Variants in LRRN2 observed in about 807,000 individuals in gnomAD.
LRRN2 encodes leucine-rich repeat neuronal protein 2.
LRRN2 carries 10 observed loss-of-function variants against 35.7 expected under a neutral mutation model. That is an observed-to-expected ratio of 0.28 (90% confidence interval 0.17 to 0.47). LRRN2 has a LOEUF of 0.47. Ranked by LOEUF, LRRN2 falls within the 20% of genes least tolerant of loss-of-function variation. The pLI is 0.99. For missense variants in LRRN2, 731 were observed against 940.3 expected, an observed-to-expected ratio of 0.78 and a Z score of 2.91; for synonymous variants, 391 against 409.6, an observed-to-expected ratio of 0.95 and a Z score of 0.55.
intron 1 of LRRN2, among the ~76,000 whole-genome samples, chr1:204,657,042 C>G (rs556097867): frequency 6.6e-6 from 1 of 152,106 alleles, no homozygotes; most frequent in Non-Finnish European, 1.5e-5. Context: ...TGGTGGCTCA[C>G]GTCTGTAATC....
chr1:204,663,892 CAGGGAACAATGG>C, intron 1 of LRRN2: 1 of 152,298 alleles, frequency 6.6e-6, no homozygotes, highest in Non-Finnish European at 1.5e-5. Context: ...AAACAGTGCA[CAGGGAACAATGG>C]AGGGCAAATG....
At position 204,649,165 on chromosome 1, in the gene LRRN2, T is replaced by A. The variant is rs1571660407; in HGVS notation, c.-226-28947A>T. Among the ~76,000 whole-genome samples, 7 of 152,302 alleles carry A rather than the reference T, an allele frequency of 4.6e-5. No homozygotes were observed. In the Middle Eastern group the frequency reaches 0.024, roughly 518 times the overall value. On this transcript the variant is annotated intron_variant, in intron 1 of 1. Transcript: ENST00000367177. ...AGTGGCGGCGACTCAAAGAGGTGAA[T>A]GAGCACAGGGCCAGTCTGCAGCCAG...
At chr1:204,652,083 T>C (rs1668238950) in intron 1 of LRRN2, among the ~76,000 whole-genome samples, 3 of 152,200 alleles carry the variant, frequency 2.0e-5, no homozygotes, top group Admixed American at 2.0e-4. Context: ...CTTTAATTAG[T>C]GAGACAATAG....
At chr1:204,647,171 AG>A (rs1253076351) in intron 1 of LRRN2, among the ~76,000 whole-genome samples, 2 of 137,692 alleles carry the variant, frequency 1.5e-5, no homozygotes, top group Non-Finnish European at 3.2e-5. Context: ...AAAAAAAAAA[AG>A]GCTAGAAAGT....
chr1:204,635,950 C>T (rs1262877576), intron 1 of LRRN2, among the ~76,000 whole-genome samples: 1 of 152,206 alleles, frequency 6.6e-6, no homozygotes, highest in East Asian at 1.9e-4. Flanking sequence ...ACAGCAGCAG[C>T]ATCACCAGGA....
intron 1 of LRRN2, among the ~76,000 whole-genome samples, chr1:204,645,194 A>G (rs552518634): frequency 1.3e-5 from 2 of 152,212 alleles, no homozygotes; most frequent in Non-Finnish European, 2.9e-5. Flanking sequence ...GGGGAAACTG[A>G]GGCGGCTTAT....
chr1:204,656,238 A>C (rs992683932), intron 1 of LRRN2, among the ~76,000 whole-genome samples: 14 of 152,096 alleles, frequency 9.2e-5, no homozygotes, highest in Admixed American at 2.6e-4. Flanking sequence ...TCTCTTCTCT[A>C]TCTCTGGCCT....
chr1:204,635,178 G>T (rs1009474082), intron 1 of LRRN2, among the ~76,000 whole-genome samples: 3 of 152,096 alleles, frequency 2.0e-5, no homozygotes, highest in African/African-American at 7.2e-5. Flanking sequence ...TGTTTTTGTT[G>T]TTCTCAACAA....
intron 1 of LRRN2, among the ~76,000 whole-genome samples, chr1:204,625,036 C>T (rs1196197531): frequency 1.3e-5 from 2 of 152,224 alleles, no homozygotes; most frequent in East Asian, 3.9e-4. Context: ...TTCCACCTCC[C>T]ATTTAATCAC....
intron 1 of LRRN2, chr1:204,620,674 G>A (rs1666827871): frequency 5.9e-6 from 1 of 169,390 alleles, no homozygotes; most frequent in African/African-American, 2.4e-5. Context: ...CCTGCTCACA[G>A]AGTGAGTGAC....
intron 1 of LRRN2, among the ~76,000 whole-genome samples, chr1:204,654,487 A>G (rs12124793): frequency 0.41 from 61,652 of 151,732 alleles, 13,710 homozygotes; most frequent in Admixed American, 0.51. Context: ...CTGCTTTCTT[A>G]GTTGATAAGG....
intron 1 of LRRN2, among the ~76,000 whole-genome samples, chr1:204,654,044 A>G (rs906555826): frequency 1.3e-5 from 2 of 151,620 alleles, no homozygotes; most frequent in Non-Finnish European, 2.9e-5. Flanking sequence ...AAAAAAAAAA[A>G]AAAAAAAAAA....
Position 204,618,169 on chromosome 1 carries a change from C to A in LRRN2, c.1824G>T (p.Leu608Phe). Residue 608 changes from leucine (L) to phenylalanine (F), a missense_variant, in exon 2 of 2, where the codon TTG (leucine) becomes TTT (phenylalanine). By Grantham distance (22) the Leu-to-Phe change is conservative. Around this residue, in one of 3 missense-constraint regions of LRRN2, gnomAD observed 229 missense variants for 258.4 expected, o/e 0.89. Coordinates refer to ENST00000367177, the MANE Select transcript of LRRN2 (RefSeq NM_201630.2). Reference protein sequence around the residue: ...QVAFADAHTQLACVWARTKEA... With the variant: ...QVAFADAHTQFACVWARTKEA... ...CTTTGGTCCTGGCCCATACACAAGC[C>A]AACTGGGTGTGGGCATCAGCAAAGG... 1 of 1,614,130 alleles carries A rather than the reference C, an allele frequency of 6.2e-7. No homozygotes were observed. The highest frequency in any genetic ancestry group is 8.5e-7 in the Non-Finnish European group (1 of 1,179,974).
At chr1:204,625,303 T>C (rs1284005733) in intron 1 of LRRN2, among the ~76,000 whole-genome samples, 2 of 152,212 alleles carry the variant, frequency 1.3e-5, no homozygotes, top group Admixed American at 6.5e-5. Context: ...ATGAAGTGCC[T>C]GTTAGTTCCC....
At chr1:204,680,922 C>T (rs775186401) in intron 1 of LRRN2, among the ~76,000 whole-genome samples, 76 of 152,128 alleles carry the variant, frequency 5.0e-4, no homozygotes, top group Admixed American at 6.5e-4. Flanking sequence ...CATTTGGCAA[C>T]CCTTTCCTAA....
intron 1 of LRRN2, among the ~76,000 whole-genome samples, chr1:204,683,963 C>T (rs1045447760): frequency 2.6e-5 from 4 of 152,338 alleles, no homozygotes; most frequent in African/African-American, 9.6e-5. Flanking sequence ...CAGAGCCCAC[C>T]TCTACCCTCC....
intron 1 of LRRN2, among the ~76,000 whole-genome samples, chr1:204,645,089 G>A (rs1312532416): frequency 1.3e-5 from 2 of 152,208 alleles, no homozygotes; most frequent in African/African-American, 4.8e-5. Context: ...GTGAGGATGG[G>A]GTGGGGATGA....
At chr1:204,672,416 G>C (rs912036072) in intron 1 of LRRN2, among the ~76,000 whole-genome samples, 1 of 152,182 alleles carries the variant, frequency 6.6e-6, no homozygotes, top group Non-Finnish European at 1.5e-5. Context: ...GGTGTGCTGA[G>C]ATCATGACCC....
Position 204,618,425 on chromosome 1 carries a change from C to G in LRRN2, c.1568G>C (p.Arg523Thr), listed in dbSNP as rs1474828385. Reference sequence around the variant, plus strand: ...GAGCTCCAGCCCCTGTCCTTCGTCCCTGCCTGGCTGGAGGAGAGCACGGCC... The same window carrying G: ...GAGCTCCAGCCCCTGTCCTTCGTCCGTGCCTGGCTGGAGGAGAGCACGGCC... The part of the protein sequence containing the change: ...VVGRALLQPG[R>T]DEGQGLELRV... The change falls in exon 2 of 2, where the codon AGG becomes ACG. Residue 523 changes from arginine (R) to threonine (T), a missense_variant. Physicochemically the swap from Arg to Thr is moderately conservative, Grantham distance 71. This residue lies in a region of LRRN2 where 229 missense variants were observed against 258.4 expected (regional missense o/e 0.89). Coordinates refer to ENST00000367177, the MANE Select transcript of LRRN2 (RefSeq NM_201630.2). 1 of 1,614,118 alleles carries G rather than the reference C, an allele frequency of 6.2e-7. No individual in the cohort carries two copies. The highest frequency in any genetic ancestry group is 1.7e-5 in the Admixed American group (1 of 60,028).
Sources: gnomAD v4.1 joint callset for allele counts (sites outside exome capture counted in the v4.1 genomes callset) on GRCh38, gnomAD v4.1.1 for gene constraint, gnomAD v4.1.1 regional missense constraint, MANE v1.5 for transcripts, NCBI Gene and HGNC (gene_info 2026-07-23, HGNC 2026-07-21) for gene names.